The following FBF1 variants were observed in gnomAD, a reference collection of about 807,000 sequenced individuals.
FBF1 encodes fas-binding factor 1.
FBF1 carries 119 observed loss-of-function variants against 147.2 expected under a neutral mutation model. The observed-to-expected ratio is 0.81, with a 90% CI of 0.70 to 0.94. FBF1 has a LOEUF of 0.94. Among genes scored for constraint, FBF1 ranks in the 40% least tolerant of loss-of-function variants. The pLI is 0.00. For synonymous variants in FBF1, 601 were observed against 609.0 expected, an observed-to-expected ratio of 0.99 and a Z score of 0.19; for missense variants, 1,449 against 1,500.8, an observed-to-expected ratio of 0.97 and a Z score of 0.57.
At chr17:75,935,815 G>A in intron 3 of FBF1, 142 bp from the exon 4 acceptor site, 1 of 709,954 alleles carries the variant, frequency 1.4e-6, no homozygotes, top group Non-Finnish European at 2.2e-6. Context: ...TTGGCCACGA[G>A]ATGTTTTACA....
Position 75,921,499 on chromosome 17 carries a change from T to C in FBF1, c.1588A>G (p.Thr530Ala), listed in dbSNP as rs765350156. 6.2e-5 allele frequency: 100 copies of C among 1,612,706 alleles called. No individual in the cohort carries two copies. The highest frequency in any genetic ancestry group is 8.5e-5 in the Non-Finnish European group (100 of 1,179,568). ...ALPTGSPKRG[T>A]APGDLSATEP... is the part of the protein sequence containing the mutation. ...GTGGCTGAGAGGTCTCCAGGGGCTGTTCCCCTCTTTGGGGAACCTGTAGGG... is the reference window on the plus strand; with the variant it reads ...GTGGCTGAGAGGTCTCCAGGGGCTGCTCCCCTCTTTGGGGAACCTGTAGGG... Residue 530 changes from threonine (T) to alanine (A), a missense_variant, in exon 16 of 30, where the codon ACA (threonine) becomes GCA (alanine). By Grantham distance (58) the Thr-to-Ala change is moderately conservative (BLOSUM62 0). Coordinates refer to ENST00000636174, the MANE Select transcript of FBF1 (RefSeq NM_001319193.2).
In FBF1 at chr17:75,922,857, G is replaced by A. The variant is rs894561340; in HGVS notation, c.1424+329C>T. On this transcript the variant is annotated intron_variant, in intron 14 of 29. Coordinates refer to ENST00000636174, the MANE Select transcript of FBF1 (RefSeq NM_001319193.2). The surrounding 1 kb of genome is among the most constrained non-coding windows in gnomAD (Gnocchi z 5.0). ...ATGCCGGGGCTTCCAGCCTGAGGGC[G>A]CTGTGACAGGGCAGCGGTGTGTCTG... 2.0e-5 allele frequency among the ~76,000 whole-genome samples: 3 copies of A among 152,210 alleles called. No individual in the cohort carries two copies. Among genetic ancestry groups the A allele is most frequent in the South Asian group, 2.1e-4 (1 of 4,832 alleles).
rs867469740 is a variant in FBF1 at position 75,909,793 on chromosome 17, T to A, written c.*930A>T. On this transcript the variant is annotated 3_prime_UTR_variant, in exon 30 of 30. Coordinates refer to ENST00000636174, the MANE Select transcript of FBF1 (RefSeq NM_001319193.2). ...ACATCTGCCTGTTCTTTGGGACTTG[T>A]CCAGCAAATAACAGGAAACATTTTC... 3.1e-6 allele frequency: 2 copies of A among 643,578 alleles called. No homozygotes were observed. Among genetic ancestry groups the A allele is most frequent in the Non-Finnish European group, 5.7e-6 (2 of 352,632 alleles). The allele number at this position is 643,578 out of a possible 1,614,324, so 39.9% of individuals were successfully genotyped here. A position where few individuals can be genotyped will look rare whatever the true frequency, so the allele number is the denominator to read the frequency against.
At chr17:75,933,828 A>T (rs1330179221) in intron 4 of FBF1, among the ~76,000 whole-genome samples, 7 of 152,222 alleles carry the variant, frequency 4.6e-5, no homozygotes, top group Non-Finnish European at 1.0e-4. Context: ...ATCATTAGTC[A>T]TTAGGGAAAT....
rs193072402 is a variant in FBF1 at position 75,918,459 on chromosome 17, G to A, written c.2139-190C>T. 6.6e-6 allele frequency among the ~76,000 whole-genome samples: 1 copy of A among 152,280 alleles called. No individual in the cohort carries two copies. Among genetic ancestry groups the A allele is most frequent in the Non-Finnish European group, 1.5e-5 (1 of 68,012 alleles). On this transcript the variant is annotated intron_variant, in intron 20 of 29. Transcript: ENST00000636174. This position sits in a 1 kb window ranked among gnomAD's most constrained non-coding sequence, Gnocchi z 5.8. ...CCTCAATGCTACACGCACTAAGATG[G>A]GCATTCCTCCCATTATTCAGCTTTT...
rs780470565 is a variant in FBF1, at chr17:75,918,292, G to A, written c.2139-23C>T. 5.6e-6 allele frequency: 9 copies of A among 1,600,756 alleles called. No individual in the cohort carries two copies. The highest frequency in any genetic ancestry group is 1.7e-4 in the Middle Eastern group (1 of 6,018). On this transcript the variant is annotated intron_variant, in intron 20 of 29. Transcript: ENST00000636174. The surrounding 1 kb of genome is among the most constrained non-coding windows in gnomAD (Gnocchi z 5.8). ...GCCCTGAGGGGAGGCGGGAGGGGAA[G>A]GCGGTCACTCTGAGCTGGATCACCC...
chr17:75,933,071 G>C lies in FBF1; in HGVS notation c.91C>G (p.Pro31Ala), dbSNP rs765017191. The C allele has an allele frequency of 1.9e-6, 3 of 1,604,942 alleles. No homozygotes were observed. The highest frequency in any genetic ancestry group is 2.2e-5 in the East Asian group (1 of 44,642). Residue 31 changes from proline to alanine, a missense_variant, in exon 5 of 30, where the codon CCT becomes GCT. Coordinates refer to ENST00000636174, the MANE Select transcript of FBF1 (RefSeq NM_001319193.2). ...CTGGTATGTGAAGCTAGTTTAACAG[G>C]CTTCTCAGGTAGTGTCACTGGAAAA... Reference protein sequence around the residue: ...LGDDMTLPEKPVKLASHTRDT... With the variant: ...LGDDMTLPEKAVKLASHTRDT...
intron 5 of FBF1, among the ~76,000 whole-genome samples, chr17:75,932,054 A>G (rs1481859687): frequency 6.6e-6 from 1 of 152,198 alleles, no homozygotes; most frequent in Non-Finnish European, 1.5e-5. Context: ...CCTTTTGTGC[A>G]GTTCTCTTTA....
chr17:75,917,664 C>T (rs2065496519), intron 23 of FBF1, 68 bp downstream of exon 23: 2 of 1,417,236 alleles, frequency 1.4e-6, no homozygotes. Context: ...TGCCGCTACA[C>T]TTGCGGGTGC....
Position 75,923,472 on chromosome 17 carries a change from G to T in FBF1, c.1138C>A (p.Arg380=), listed in dbSNP as rs199721470. The T allele has an allele frequency of 1.2e-6, 2 of 1,608,776 alleles. No homozygotes were observed. The highest frequency in any genetic ancestry group is 2.2e-5 in the South Asian group (2 of 89,852). Reference sequence around the variant, plus strand: ...GGCGTGACAGGCACTGAACTTTCCCGATGGGCCTCTCTGGTGGGTGAGGCA... The same window carrying T: ...GGCGTGACAGGCACTGAACTTTCCCTATGGGCCTCTCTGGTGGGTGAGGCA... ...FPASPTREAH[R]ESSVPVTPSV... Residue 380 remains arginine, a synonymous_variant, in exon 14 of 30, where the codon CGG becomes AGG. Transcript: ENST00000636174. The surrounding 1 kb of genome is among the most constrained non-coding windows in gnomAD (Gnocchi z 4.1).
intron 3 of FBF1, 85 bp downstream of exon 3, chr17:75,937,481 A>G: frequency 6.5e-7 from 1 of 1,533,810 alleles, no homozygotes; most frequent in African/African-American, 1.4e-5. Flanking sequence ...AAAAACATTT[A>G]AATAAACACA....
In FBF1 at chr17:75,928,797, G is replaced by A. The variant is rs1447796499; in HGVS notation, c.280-604C>T. 1.3e-5 allele frequency among the ~76,000 whole-genome samples: 2 copies of A among 151,922 alleles called. No individual in the cohort carries two copies. The highest frequency in any genetic ancestry group is 2.4e-5 in the African/African-American group (1 of 41,358). On this transcript the variant is annotated intron_variant, in intron 7 of 29. Coordinates refer to ENST00000636174, the MANE Select transcript of FBF1 (RefSeq NM_001319193.2). This position sits in a 1 kb window ranked among gnomAD's most constrained non-coding sequence, Gnocchi z 4.2. ...CACTCCAGCCTAGGCAACAGAGCAA[G>A]ACTCCGTCTCAAAAAAATAAAAATA...
At position 75,914,262 on chromosome 17, in the gene FBF1, G is replaced by A. The variant is rs759955938; in HGVS notation, c.2851C>T (p.Arg951Trp). ...AELKIRASELRAEEKQLAAER... is the reference protein window; with the variant it reads ...AELKIRASELWAEEKQLAAER... ...GCTGCCAGCTGCTTCTCCTCGGCCC[G>A]GAGCTCGCTGGCCCTGATCTTCAGC... Residue 951 changes from arginine to tryptophan, a missense_variant, in exon 26 of 30, where the codon CGG (arginine) becomes TGG (tryptophan). Coordinates refer to ENST00000636174, the MANE Select transcript of FBF1 (RefSeq NM_001319193.2). 13 of 1,592,080 alleles carry A rather than the reference G, an allele frequency of 8.2e-6. No homozygotes were observed. Among genetic ancestry groups the A allele is most frequent in the Middle Eastern group, 1.6e-4 (1 of 6,072 alleles).
At chr17:75,931,187 C>G in intron 6 of FBF1, 42 bp downstream of exon 6, 1 of 1,555,468 alleles carries the variant, frequency 6.4e-7, no homozygotes, top group Non-Finnish European at 8.7e-7. Flanking sequence ...CTCAGTGTTT[C>G]TGGGGATAAG....
At position 75,910,721 on chromosome 17, in the gene FBF1, ACT is replaced by A; in HGVS notation, c.3447_*1del. On this transcript the variant is annotated stop_lost and 3_prime_UTR_variant, in exon 30 of 30. Coordinates refer to ENST00000636174, the MANE Select transcript of FBF1 (RefSeq NM_001319193.2). The surrounding 1 kb of genome is among the most constrained non-coding windows in gnomAD (Gnocchi z 4.1). ...CTGTTGGGGAATCGGCTGGGGTCCC[ACT>A]CAGGCTGAATGAGATGTCAAATTGT... 1 of 1,605,512 alleles carries A rather than the reference ACT, an allele frequency of 6.2e-7. No homozygotes were observed. The highest frequency in any genetic ancestry group is 8.5e-7 in the Non-Finnish European group (1 of 1,176,436).
At chr17:75,932,935 G>A in intron 5 of FBF1, 60 bp downstream of exon 5, 1 of 1,160,518 alleles carries the variant, frequency 8.6e-7, no homozygotes, top group African/African-American at 1.5e-5. Flanking sequence ...GGGGGGTGGA[G>A]GGGCAGAGAG....
At chr17:75,932,676 G>A (rs575598384) in intron 5 of FBF1, among the ~76,000 whole-genome samples, 1 of 152,180 alleles carries the variant, frequency 6.6e-6, no homozygotes, top group Non-Finnish European at 1.5e-5. Flanking sequence ...ATCACCTGAG[G>A]TCAGTTTGAG....
At chr17:75,924,693 G>A (rs2065549589) in intron 13 of FBF1, among the ~76,000 whole-genome samples, 1 of 152,118 alleles carries the variant, frequency 6.6e-6, no homozygotes, top group African/African-American at 2.4e-5. Flanking sequence ...GGCCAGGCTG[G>A]TCTTGAACTC....
intron 2 of FBF1, 129 bp from the exon 3 acceptor site, chr17:75,937,722 G>C: frequency 1.1e-6 from 1 of 924,994 alleles, no homozygotes; most frequent in South Asian, 1.4e-5. Flanking sequence ...GGCATTTAGA[G>C]ATGTAAGTCC....
Sources: allele counts gnomAD v4.1 joint callset (sites outside exome capture counted in the v4.1 genomes callset), GRCh38; gene constraint gnomAD v4.1.1; non-coding constraint Gnocchi (gnomAD v3.1); transcripts MANE v1.5; gene names NCBI Gene and HGNC (gene_info 2026-07-23, HGNC 2026-07-21).